Variants in RGS12 observed in about 807,000 individuals in gnomAD.
The protein encoded by RGS12 is regulator of G-protein signaling 12.
A neutral mutation model predicts 120.1 loss-of-function variants in RGS12; 66 were observed. The ratio of observed to expected loss-of-function variants is 0.55; its 90% CI spans 0.45 to 0.67. RGS12 has a LOEUF of 0.67. Ranked by LOEUF, RGS12 falls within the 30% of genes least tolerant of loss-of-function variation. The pLI is 0.00. For missense variants in RGS12, 1,859 were observed against 1,957.7 expected (o/e 0.95, Z 0.95); for synonymous variants, 827 against 804.7 (o/e 1.03, Z -0.47).
Position 3,439,625 on chromosome 4 carries a change from C to T in RGS12, c.4285C>T (p.Pro1429Ser). 6.3e-7 allele frequency: 1 copy of T among 1,599,700 alleles called. No individual in the cohort carries two copies. The highest frequency in any genetic ancestry group is 8.5e-7 in the Non-Finnish European group (1 of 1,172,808). The change falls in exon 18 of 18, where the codon CCC (proline) becomes TCC (serine). Residue 1429 changes from proline (P) to serine (S), a missense_variant. Around this residue, in one of 3 missense-constraint regions of RGS12, gnomAD observed 517 missense variants for 488.5 expected, o/e 1.06. Coordinates refer to ENST00000336727, the MANE Select transcript of RGS12 (RefSeq NM_001394154.1). ...TACATCAGACCTCCCTGGCTTGGGC[C>T]CCGTCCCGGGTGAGCCTGCTAAGCC... is the stretch of plus-strand genomic sequence containing the variant. ...PPTSDLPGLG[P>S]VPGEPAKPKT...
intron 1 of RGS12, among the ~76,000 whole-genome samples, chr4:3,295,378 G>A (rs1350689961): frequency 1.3e-5 from 2 of 152,080 alleles, no homozygotes; most frequent in East Asian, 3.8e-4. Context: ...AATCAGGCTG[G>A]GCTGGGTGCA....
At chr4:3,286,374 C>T in the RGS12 span, among the ~76,000 whole-genome samples, 2 of 152,216 alleles carry the variant, frequency 1.3e-5, no homozygotes, top group African/African-American at 2.4e-5. Context: ...AAACCTCCTC[C>T]GGCCCTGAAA....
At chr4:3,334,129 C>T (rs917724144) in intron 2 of RGS12, among the ~76,000 whole-genome samples, 1 of 152,194 alleles carries the variant, frequency 6.6e-6, no homozygotes, top group African/African-American at 2.4e-5. Flanking sequence ...ATAAATTATG[C>T]ATGCCAGCTC....
At chr4:3,391,249 G>A (rs1719466686) in intron 4 of RGS12, among the ~76,000 whole-genome samples, 1 of 152,220 alleles carries the variant, frequency 6.6e-6, no homozygotes. Flanking sequence ...GTAAACAGGA[G>A]TCAGACTGGA....
At chr4:3,331,910 G>T (rs1711891762) in intron 2 of RGS12, among the ~76,000 whole-genome samples, 1 of 152,214 alleles carries the variant, frequency 6.6e-6, no homozygotes, top group Non-Finnish European at 1.5e-5. Context: ...ACCTTTCCTA[G>T]TCCCTGCAGC....
At chr4:3,343,851 GTCT>G (rs1377065590) in intron 3 of RGS12, among the ~76,000 whole-genome samples, 1 of 152,178 alleles carries the variant, frequency 6.6e-6, no homozygotes, top group African/African-American at 2.4e-5. Context: ...TGTATTCTAT[GTCT>G]TCTTATTAAT....
At chr4:3,329,865 C>G (rs1711650060) in intron 2 of RGS12, among the ~76,000 whole-genome samples, 1 of 143,062 alleles carries the variant, frequency 7.0e-6, no homozygotes, top group Non-Finnish European at 1.5e-5. Flanking sequence ...AGAAGGAATT[C>G]CTTTGCCTTT....
intron 4 of RGS12, among the ~76,000 whole-genome samples, chr4:3,388,469 A>G (rs1439272320): frequency 6.6e-6 from 1 of 152,258 alleles, no homozygotes; most frequent in African/African-American, 2.4e-5. Flanking sequence ...TAGGGCACCG[A>G]GGCAGAGTGG....
chr4:3,331,876 G>A (rs560237456), intron 2 of RGS12, among the ~76,000 whole-genome samples: 2 of 152,344 alleles, frequency 1.3e-5, no homozygotes, highest in Admixed American at 6.5e-5. Context: ...GGGACCTGGG[G>A]CTTTGTGCCA....
chr4:3,427,291 T>C (rs111262199), intron 14 of RGS12, among the ~76,000 whole-genome samples: 10 of 152,310 alleles, frequency 6.6e-5, no homozygotes, highest in African/African-American at 2.4e-4. Flanking sequence ...AGTCCTGTGG[T>C]GGAGCTTGGC....
chr4:3,400,237 G>T (rs943762534), intron 4 of RGS12, among the ~76,000 whole-genome samples: 8 of 152,192 alleles, frequency 5.3e-5, no homozygotes, highest in Non-Finnish European at 1.2e-4. Context: ...AAATATAGAA[G>T]TTTGTAAATA....
At chr4:3,343,199 A>G in intron 3 of RGS12, 146 bp downstream of exon 3, 1 of 612,786 alleles carries the variant, frequency 1.6e-6, no homozygotes, top group Admixed American at 2.8e-5. Context: ...TCTGGGGGAC[A>G]GCGTCCCATG....
At chr4:3,306,458 C>T (rs530465170) in intron 1 of RGS12, among the ~76,000 whole-genome samples, 5 of 152,352 alleles carry the variant, frequency 3.3e-5, no homozygotes, top group East Asian at 1.9e-4. Flanking sequence ...GCTCGATAAG[C>T]GGCACAGCCT....
intron 3 of RGS12, among the ~76,000 whole-genome samples, chr4:3,350,273 A>G (rs1714236675): frequency 1.3e-5 from 2 of 152,238 alleles, no homozygotes; most frequent in African/African-American, 4.8e-5. Context: ...TCTAGTAGAG[A>G]TAAATATAAT....
chr4:3,342,662 T>G, intron 2 of RGS12: 1 of 1,105,692 alleles, frequency 9.0e-7, no homozygotes, highest in Non-Finnish European at 1.2e-6. Flanking sequence ...GCCGTCATCC[T>G]GTTCTGTGTT....
chr4:3,398,639 G>A (rs1055396778), intron 4 of RGS12, among the ~76,000 whole-genome samples: 6 of 152,066 alleles, frequency 3.9e-5, no homozygotes, highest in African/African-American at 1.4e-4. Context: ...AGTAGCATGA[G>A]ATTTGCAGAA....
chr4:3,294,776 A>C (rs1723269903), intron 1 of RGS12, among the ~76,000 whole-genome samples: 1 of 152,218 alleles, frequency 6.6e-6, no homozygotes, highest in African/African-American at 2.4e-5. Flanking sequence ...AGCCCTGGTA[A>C]CTGCAATGAT....
chr4:3,428,236 A>C, intron 15 of RGS12, 67 bp downstream of exon 15: 1 of 1,380,464 alleles, frequency 7.2e-7, no homozygotes, highest in Non-Finnish European at 1.0e-6. Context: ...TGCCCTGCGC[A>C]GTGCCCTGGT....
At chr4:3,286,329 G>A in the RGS12 span, among the ~76,000 whole-genome samples, 4 of 152,192 alleles carry the variant, frequency 2.6e-5, no homozygotes, top group Non-Finnish European at 5.9e-5. Flanking sequence ...CAGCCTGCCC[G>A]GTTTCTGTTC....
Sources: allele counts gnomAD v4.1 joint callset (sites outside exome capture counted in the v4.1 genomes callset), GRCh38; gene constraint gnomAD v4.1.1; regional missense constraint gnomAD v4.1.1; transcripts MANE v1.5; gene names NCBI Gene and HGNC (gene_info 2026-07-23, HGNC 2026-07-21).